Variants in SHTN1 observed in about 807,000 individuals in gnomAD.
SHTN1 encodes shootin 1.
SHTN1 carries 42 observed loss-of-function variants against 83.1 expected under a neutral mutation model. The observed-to-expected ratio is 0.51, with a 90% confidence interval of 0.39 to 0.65. SHTN1 has a LOEUF of 0.65. SHTN1 is among the 30% of genes least tolerant of loss of function. SHTN1 has a pLI of 0.00. For synonymous variants in SHTN1, 224 were observed against 247.7 expected, an observed-to-expected ratio of 0.90 and a Z score of 0.90; for missense variants, 622 against 737.8, an observed-to-expected ratio of 0.84 and a Z score of 1.82.
intron 7 of SHTN1, among the ~76,000 whole-genome samples, chr10:116,946,917 T>C (rs1323145916): frequency 6.6e-6 from 1 of 151,766 alleles, no homozygotes; most frequent in Non-Finnish European, 1.5e-5. Context: ...GACGAGGTTT[T>C]ACCATGTTGG....
chr10:117,078,856 T>G (rs1192329364), intron 1 of SHTN1, among the ~76,000 whole-genome samples: 1 of 152,164 alleles, frequency 6.6e-6, no homozygotes, highest in African/African-American at 2.4e-5. Flanking sequence ...TTTCAAGGAA[T>G]TGGTCCATTT....
At chr10:117,106,058 C>T (rs565671134) in intron 1 of SHTN1, among the ~76,000 whole-genome samples, 10 of 151,858 alleles carry the variant, frequency 6.6e-5, no homozygotes, top group South Asian at 4.2e-4. Context: ...TGGAGTGAGC[C>T]GAGGTCGCAC....
intron 16 of SHTN1, among the ~76,000 whole-genome samples, chr10:116,893,576 G>GCCCACACACACACACACACACACACA (rs1554905664): frequency 4.9e-5 from 6 of 123,594 alleles, no homozygotes; most frequent in Non-Finnish European, 8.2e-5. Context: ...GCACTCATGT[G>GCCCACACACACACACACACACACACA]CACACACACA....
chr10:116,987,932 A>T (rs1182150080), intron 1 of SHTN1, among the ~76,000 whole-genome samples: 4 of 151,904 alleles, frequency 2.6e-5, no homozygotes, highest in Non-Finnish European at 1.5e-5. Flanking sequence ...ACAAACAAAA[A>T]AAAAAACCGT....
chr10:116,891,915 G>T (rs758590654), intron 16 of SHTN1, among the ~76,000 whole-genome samples: 1 of 152,068 alleles, frequency 6.6e-6, no homozygotes, highest in Non-Finnish European at 1.5e-5. Flanking sequence ...CTCAAAGAAC[G>T]TATTAAGTTT....
rs553200647 is a variant in SHTN1 at position 116,996,447 on chromosome 10, C to T, written c.58+8575G>A. On this transcript the variant is annotated intron_variant, in intron 1 of 16. Coordinates refer to ENST00000355371, the MANE Select transcript of SHTN1 (RefSeq NM_001127211.3). ...GATACAAACATAAGAGAAATCACCA[C>T]AACAGCTTTTGTATCGACAACCTTT... Among the ~76,000 whole-genome samples, 112 of 152,258 alleles carry T rather than the reference C, an allele frequency of 7.4e-4. 2 individuals are homozygous for T. In the South Asian group the frequency reaches 0.022, roughly 30 times the overall value.
At chr10:117,049,364 A>AAAC (rs1257234021) in intron 1 of SHTN1, among the ~76,000 whole-genome samples, 5 of 152,082 alleles carry the variant, frequency 3.3e-5, no homozygotes, top group South Asian at 2.1e-4. Flanking sequence ...AAAAACAAAC[A>AAAC]AACAACAACA....
chr10:116,979,356 T>A (rs1480575565), intron 1 of SHTN1, 48 bp from the exon 2 acceptor site: 5 of 1,522,822 alleles, frequency 3.3e-6, no homozygotes, highest in Non-Finnish European at 4.5e-6. Flanking sequence ...AAAAGTTTAC[T>A]GCAGGGCAAC....
intron 1 of SHTN1, among the ~76,000 whole-genome samples, chr10:116,999,616 T>C (rs576580444): frequency 6.6e-6 from 1 of 152,328 alleles, no homozygotes; most frequent in South Asian, 2.1e-4. Context: ...TTTGCATTTA[T>C]TTTAAAAAAG....
chr10:117,047,521 A>G (rs1852682397), intron 2 of SHTN1, among the ~76,000 whole-genome samples: 1 of 152,214 alleles, frequency 6.6e-6, no homozygotes, highest in African/African-American at 2.4e-5. Context: ...TATTGAAAGC[A>G]AACGTATCAA....
At chr10:116,889,308 G>C (rs191859830) in intron 16 of SHTN1, among the ~76,000 whole-genome samples, 1 of 152,164 alleles carries the variant, frequency 6.6e-6, no homozygotes, top group Non-Finnish European at 1.5e-5. Flanking sequence ...AATTGTCCTG[G>C]AATTGTCTCA....
At chr10:116,946,098 G>C (rs570563114) in intron 7 of SHTN1, among the ~76,000 whole-genome samples, 1 of 151,730 alleles carries the variant, frequency 6.6e-6, no homozygotes, top group African/African-American at 2.4e-5. Flanking sequence ...CAAGGGAGGG[G>C]TAAGAGTAGA....
chr10:116,904,436 C>A (rs1847878372), intron 15 of SHTN1, among the ~76,000 whole-genome samples: 1 of 150,980 alleles, frequency 6.6e-6, no homozygotes, highest in Admixed American at 6.6e-5. Flanking sequence ...TTGTTTCCTT[C>A]CTTTTTTTTT....
chr10:117,084,357 G>A (rs1383111932), intron 1 of SHTN1, among the ~76,000 whole-genome samples: 6 of 152,200 alleles, frequency 3.9e-5, no homozygotes, highest in South Asian at 4.1e-4. Context: ...TAGGCTGCTC[G>A]GGGGTCAGGG....
chr10:116,918,080 C>T (rs1394613894), intron 12 of SHTN1, among the ~76,000 whole-genome samples: 2 of 152,300 alleles, frequency 1.3e-5, no homozygotes, highest in Non-Finnish European at 2.9e-5. Context: ...TTTCTGCAAT[C>T]ACACAGTTGG....
At chr10:116,888,975 G>GT (rs1296860641) in intron 16 of SHTN1, among the ~76,000 whole-genome samples, 1 of 152,210 alleles carries the variant, frequency 6.6e-6, no homozygotes, top group Non-Finnish European at 1.5e-5. Context: ...CAGTACGAAG[G>GT]TTTCACCATC....
intron 2 of SHTN1, among the ~76,000 whole-genome samples, chr10:117,041,197 A>G (rs2133580664): frequency 1.3e-5 from 2 of 150,464 alleles, no homozygotes; most frequent in Middle Eastern, 6.9e-3. Context: ...CTGTTTCTCT[A>G]AGTGATTTCT....
chr10:116,924,746 ATTTTTTTTTTTT>A lies in SHTN1; in HGVS notation c.1112+3034_1112+3045del, dbSNP rs201343735. ...ACATTTCAGTGGAGAATTTTCACCT[ATTTTTTTTTTTT>A]TTTTTTTTTTTTTTTTTGAGATGGA... On this transcript the variant is annotated intron_variant, in intron 11 of 16. Transcript: ENST00000355371. 8.7e-3 allele frequency among the ~76,000 whole-genome samples: 779 copies of A among 89,586 alleles called. 10 individuals carry two copies. The highest frequency in any genetic ancestry group is 0.029 in the African/African-American group (707 of 24,726). 58.8% of individuals were successfully genotyped at this position (89,586 alleles called of 152,430 possible). A position where few individuals can be genotyped will look rare whatever the true frequency, so the allele number is the denominator to read the frequency against.
At chr10:117,059,658 C>A (rs563664571) in intron 1 of SHTN1, among the ~76,000 whole-genome samples, 6 of 152,142 alleles carry the variant, frequency 3.9e-5, no homozygotes, top group Non-Finnish European at 8.8e-5. Flanking sequence ...GTATAAGATT[C>A]TTGAAATGAT....
Sources: allele counts gnomAD v4.1 joint callset (sites outside exome capture counted in the v4.1 genomes callset), GRCh38; gene constraint gnomAD v4.1.1; transcripts MANE v1.5; gene names NCBI Gene and HGNC (gene_info 2026-07-23, HGNC 2026-07-21).